The following DENND2A variants were observed in gnomAD, a reference collection of about 807,000 sequenced individuals.
DENND2A encodes the protein DENN domain containing 2A, also known as DENN domain-containing protein 2A.
DENND2A carries 53 observed loss-of-function variants against 105.3 expected under a neutral mutation model. The observed-to-expected ratio is 0.50, with a 90% CI of 0.40 to 0.63. The LOEUF (loss-of-function observed/expected upper bound fraction) is 0.63, where lower values mean the gene tolerates loss of function less well. Among genes scored for constraint, DENND2A ranks in the 30% least tolerant of loss-of-function variants. The probability of loss-of-function intolerance (pLI) is 0.00; values close to 1 mark genes in which losing one functional copy is unlikely to be tolerated. For synonymous variants in DENND2A, 522 were observed against 508.4 expected (o/e 1.03, Z -0.36); for missense variants, 1,138 against 1,279.6 (o/e 0.89, Z 1.69).
Position 140,559,572 on chromosome 7 carries a change from C to A in DENND2A, c.1889+136G>T. 1.5e-6 allele frequency: 1 copy of A among 649,722 alleles called. No homozygotes were observed. The highest frequency in any genetic ancestry group is 2.1e-5 in the South Asian group (1 of 48,502). The allele number at this position is 649,722 out of a possible 1,614,324, so 40.2% of individuals were successfully genotyped here. A position where few individuals can be genotyped will look rare whatever the true frequency, so the allele number is the denominator to read the frequency against. On this transcript the variant is annotated intron_variant, in intron 10 of 19. Transcript: ENST00000496613. This position sits in a 1 kb window ranked among gnomAD's most constrained non-coding sequence, Gnocchi z 4.1. The stretch of plus-strand genomic sequence containing the variant: ...CTTCAGGGAAGCTTTAAAAACACCC[C>A]TTGGGGAAAGCTCTAGGCCAGGCCC...
intron 1 of DENND2A, among the ~76,000 whole-genome samples, chr7:140,631,156 G>A (rs1205673380): frequency 1.3e-5 from 2 of 152,188 alleles, no homozygotes; most frequent in Non-Finnish European, 2.9e-5. Flanking sequence ...CATGAGAACA[G>A]GGAACTGGCC....
At chr7:140,533,519 G>A (rs1043540193) in intron 14 of DENND2A, among the ~76,000 whole-genome samples, 11 of 152,182 alleles carry the variant, frequency 7.2e-5, no homozygotes, top group African/African-American at 1.2e-4. Flanking sequence ...GGAGAAGGTC[G>A]TGGGAGCAAG....
chr7:140,523,495 C>T lies in DENND2A; in HGVS notation c.2548-71G>A, dbSNP rs61677869. 18,501 of 1,339,152 alleles carry T rather than the reference C, an allele frequency of 0.014. 1,645 individuals are homozygous for T. The African/African-American group carries it at 0.21, about 15-fold the overall frequency. 83.0% of individuals were successfully genotyped at this position (1,339,152 alleles called of 1,614,324 possible). The stretch of plus-strand genomic sequence containing the variant: ...GTCTTGGCCATAGGACACACTGGAG[C>T]CACTGCAGGGCAGGCCTGGCTCAGT... On this transcript the variant is annotated intron_variant, in intron 16 of 19. Transcript: ENST00000496613. This position sits in a 1 kb window ranked among gnomAD's most constrained non-coding sequence, Gnocchi z 4.5.
At chr7:140,639,101 C>G (rs923352218) in intron 1 of DENND2A, among the ~76,000 whole-genome samples, 2 of 151,714 alleles carry the variant, frequency 1.3e-5, no homozygotes, top group Non-Finnish European at 2.9e-5. Context: ...CCTGTAATCC[C>G]AGCACTTTGC....
At chr7:140,534,100 TTTG>T (rs898193861) in intron 14 of DENND2A, among the ~76,000 whole-genome samples, 5 of 142,896 alleles carry the variant, frequency 3.5e-5, no homozygotes, top group Admixed American at 1.4e-4. Context: ...TTTTTTTTTT[TTTG>T]AGATGGAGTC....
At chr7:140,625,687 CAAAAACA>C (rs1399536099) in intron 1 of DENND2A, among the ~76,000 whole-genome samples, 1 of 151,802 alleles carries the variant, frequency 6.6e-6, no homozygotes, top group African/African-American at 2.4e-5. Context: ...GCCTCAAAAA[CAAAAACA>C]AAAAACAAAA....
intron 1 of DENND2A, among the ~76,000 whole-genome samples, chr7:140,631,783 GTATT>G (rs1283984936): frequency 1.3e-5 from 2 of 152,164 alleles, no homozygotes; most frequent in Non-Finnish European, 2.9e-5. Flanking sequence ...GCAGCTCAGA[GTATT>G]AAGTAGAGAA....
intron 12 of DENND2A, among the ~76,000 whole-genome samples, chr7:140,547,520 T>C (rs2130531711): frequency 6.6e-6 from 1 of 152,320 alleles, no homozygotes; most frequent in Middle Eastern, 3.4e-3. Flanking sequence ...AGAAATCTCA[T>C]ACACTGCTGG....
intron 1 of DENND2A, among the ~76,000 whole-genome samples, chr7:140,639,749 C>T (rs1239156615): frequency 2.6e-5 from 4 of 152,186 alleles, no homozygotes; most frequent in African/African-American, 9.7e-5. Flanking sequence ...GAAGTCAGCA[C>T]CAGCTGGTTA....
intron 8 of DENND2A, 36 bp from the exon 9 acceptor site, chr7:140,567,309 A>T (rs1797888564): frequency 8.7e-7 from 1 of 1,152,182 alleles, no homozygotes; most frequent in African/African-American, 2.1e-5. Context: ...AGAGAAAGAG[A>T]GAGAGAGAGA....
chr7:140,537,975 G>A (rs1481664783), intron 14 of DENND2A, among the ~76,000 whole-genome samples: 1 of 152,068 alleles, frequency 6.6e-6, no homozygotes, highest in Non-Finnish European at 1.5e-5. Context: ...TTTATCTGTT[G>A]TCATGACCAC....
intron 5 of DENND2A, 75 bp downstream of exon 5, chr7:140,585,514 G>T: frequency 1.9e-6 from 3 of 1,591,068 alleles, no homozygotes; most frequent in Non-Finnish European, 2.6e-6. Context: ...TTCCAGTGCT[G>T]GCCGGAACTC....
chr7:140,612,201 A>G (rs1201759942), intron 1 of DENND2A, among the ~76,000 whole-genome samples: 1 of 151,876 alleles, frequency 6.6e-6, no homozygotes, highest in African/African-American at 2.4e-5. Flanking sequence ...AGATTGCCCC[A>G]TCGCACTCCA....
intron 1 of DENND2A, among the ~76,000 whole-genome samples, chr7:140,629,589 G>C (rs1052470815): frequency 6.6e-6 from 1 of 152,142 alleles, no homozygotes; most frequent in African/African-American, 2.4e-5. Context: ...AAATAAGGAG[G>C]CCACAGAATG....
In DENND2A at chr7:140,527,272, TC is replaced by T; in HGVS notation, c.2505+45del. ...CTGCAGAGCCAGCGCCCCGCTCTGTTCTCCGCACCCTGCAGGGAGGGGGACA... is the reference window on the plus strand; with the variant it reads ...CTGCAGAGCCAGCGCCCCGCTCTGTTTCCGCACCCTGCAGGGAGGGGGACA... On this transcript the variant is annotated intron_variant, in intron 15 of 19. Transcript: ENST00000496613. The surrounding 1 kb of genome is among the most constrained non-coding windows in gnomAD (Gnocchi z 4.9). 2.6e-6 allele frequency: 4 copies of T among 1,518,702 alleles called. No homozygotes were observed. The highest frequency in any genetic ancestry group is 3.5e-6 in the Non-Finnish European group (4 of 1,128,432). 94.1% of individuals were successfully genotyped at this position (1,518,702 alleles called of 1,614,324 possible). A position where few individuals can be genotyped will look rare whatever the true frequency, so the allele number is the denominator to read the frequency against.
Position 140,602,457 on chromosome 7 carries a change from C to A in DENND2A, c.-60G>T. On this transcript the variant is annotated 5_prime_UTR_variant, in exon 3 of 20. Transcript: ENST00000496613. The stretch of plus-strand genomic sequence containing the variant: ...AGGGGACTCCTTCTGAAGCCTGACT[C>A]CTGATCAGTCTCTAGGAATGGAATG... 1 of 1,486,982 alleles carries A rather than the reference C, an allele frequency of 6.7e-7. No individual in the cohort carries two copies. Among genetic ancestry groups the A allele is most frequent in the Non-Finnish European group, 8.9e-7 (1 of 1,121,980 alleles). 92.1% of individuals were successfully genotyped at this position (1,486,982 alleles called of 1,614,324 possible). A position where few individuals can be genotyped will look rare whatever the true frequency, so the allele number is the denominator to read the frequency against.
intron 3 of DENND2A, among the ~76,000 whole-genome samples, chr7:140,591,156 G>T (rs1799000891): frequency 6.6e-6 from 1 of 151,694 alleles, no homozygotes; most frequent in East Asian, 2.0e-4. Context: ...AATTAACTGG[G>T]TGTGGTGGGG....
chr7:140,613,284 A>G (rs1240891814), intron 1 of DENND2A, among the ~76,000 whole-genome samples: 1 of 152,042 alleles, frequency 6.6e-6, no homozygotes, highest in Non-Finnish European at 1.5e-5. Flanking sequence ...TCACGCCTGT[A>G]ATCCTAGCAC....
chr7:140,580,856 C>T (rs902572168), intron 5 of DENND2A, among the ~76,000 whole-genome samples: 62 of 149,778 alleles, frequency 4.1e-4, no homozygotes, highest in African/African-American at 1.4e-3. Flanking sequence ...AGGCTGATCT[C>T]GAACTCCTGA....
Sources: gnomAD v4.1 joint callset for allele counts (sites outside exome capture counted in the v4.1 genomes callset) on GRCh38, gnomAD v4.1.1 for gene constraint, Gnocchi (gnomAD v3.1) non-coding constraint, MANE v1.5 for transcripts, NCBI Gene and HGNC (gene_info 2026-07-23, HGNC 2026-07-21) for gene names.